Variants in DSCAM observed in about 807,000 individuals in gnomAD.
DSCAM encodes the protein cell adhesion molecule DSCAM.
A neutral mutation model predicts 217.7 loss-of-function variants in DSCAM; 47 were observed. The observed-to-expected ratio is 0.22, with a 90% confidence interval of 0.17 to 0.28. The LOEUF (loss-of-function observed/expected upper bound fraction) is 0.28. Among genes scored for constraint, DSCAM ranks in the 10% least tolerant of loss-of-function variants. The pLI is 1.00. For synonymous variants in DSCAM, 1,056 were observed against 1,015.3 expected (o/e 1.04, Z -0.76); for missense variants, 2,080 against 2,618.3 (o/e 0.79, Z 4.49).
chr21:40,135,937 G>T (rs1239602239), intron 18 of DSCAM, among the ~76,000 whole-genome samples: 1 of 152,232 alleles, frequency 6.6e-6, no homozygotes, highest in Non-Finnish European at 1.5e-5. Flanking sequence ...GAGGGGTAAA[G>T]GGGCTCCATG....
chr21:40,509,124 T>C (rs965941144), intron 3 of DSCAM, among the ~76,000 whole-genome samples: 2 of 152,264 alleles, frequency 1.3e-5, no homozygotes, highest in South Asian at 4.1e-4. Flanking sequence ...TTGGTTTTTT[T>C]CTCTAAAATT....
At chr21:40,230,044 T>C (rs1281716219) in intron 11 of DSCAM, among the ~76,000 whole-genome samples, 1 of 152,238 alleles carries the variant, frequency 6.6e-6, no homozygotes, top group Non-Finnish European at 1.5e-5. Flanking sequence ...AGATGCACAG[T>C]ACTATTTCAA....
chr21:40,536,436 G>C (rs370661339), intron 3 of DSCAM, among the ~76,000 whole-genome samples: 3,170 of 135,944 alleles, frequency 0.023, 114 homozygotes, highest in African/African-American at 0.062. Flanking sequence ...GAGTCTCGCT[G>C]TGTCCCCCAG....
intron 3 of DSCAM, among the ~76,000 whole-genome samples, chr21:40,603,222 C>T (rs1423622712): frequency 6.6e-6 from 1 of 151,902 alleles, no homozygotes; most frequent in African/African-American, 2.4e-5. Context: ...TTTTAATTTT[C>T]TTGAGATGTC....
intron 3 of DSCAM, among the ~76,000 whole-genome samples, chr21:40,480,310 G>C (rs992702057): frequency 2.0e-5 from 3 of 151,976 alleles, no homozygotes; most frequent in Non-Finnish European, 4.4e-5. Context: ...TAACACATGA[G>C]ATAAAGCATT....
intron 11 of DSCAM, among the ~76,000 whole-genome samples, chr21:40,196,152 C>T (rs1375423190): frequency 6.6e-6 from 1 of 152,202 alleles, no homozygotes; most frequent in Non-Finnish European, 1.5e-5. Context: ...GCACCCTGGC[C>T]TGCAGAGGTG....
At chr21:40,084,081 A>C in intron 23 of DSCAM, 75 bp from the exon 24 acceptor site, 1 of 1,200,896 alleles carries the variant, frequency 8.3e-7, no homozygotes, top group East Asian at 2.6e-5. Context: ...GTCATTTACC[A>C]ACTCATTTTT....
intron 11 of DSCAM, among the ~76,000 whole-genome samples, chr21:40,210,733 T>C (rs911817904): frequency 6.6e-6 from 1 of 152,134 alleles, no homozygotes; most frequent in African/African-American, 2.4e-5. Context: ...TTAGTGGAGA[T>C]AGGGTTCCAC....
intron 1 of DSCAM, among the ~76,000 whole-genome samples, chr21:40,836,702 C>T (rs141386527): frequency 3.3e-5 from 5 of 152,262 alleles, no homozygotes; most frequent in Non-Finnish European, 7.4e-5. Flanking sequence ...TCATGTGGAT[C>T]AGAACAGGCA....
In DSCAM at chr21:40,324,000, A is replaced by G. The variant is rs796909468; in HGVS notation, c.1784-11641T>C. Among the ~76,000 whole-genome samples the G allele has an allele frequency of 5.5e-5, 8 of 145,466 alleles. No homozygotes were observed. The South Asian group carries it at 1.9e-3, about 34-fold the overall frequency. Reference sequence around the variant, plus strand: ...ACCCCTGTAATCCCAGTTACTTGGGAGGCTGAGGTAGAGAATTGCTTGAAC... The same window carrying G: ...ACCCCTGTAATCCCAGTTACTTGGGGGGCTGAGGTAGAGAATTGCTTGAAC... On this transcript the variant is annotated intron_variant, in intron 8 of 32. Coordinates refer to ENST00000400454, the MANE Select transcript of DSCAM (RefSeq NM_001389.5).
chr21:40,362,237 G>A (rs565852542), intron 4 of DSCAM, among the ~76,000 whole-genome samples: 1 of 152,126 alleles, frequency 6.6e-6, no homozygotes, highest in African/African-American at 2.4e-5. Flanking sequence ...AAACATACGT[G>A]TGCATGTGTC....
intron 1 of DSCAM, among the ~76,000 whole-genome samples, chr21:40,724,711 T>C (rs2090936266): frequency 6.6e-6 from 1 of 152,130 alleles, no homozygotes; most frequent in Non-Finnish European, 1.5e-5. Flanking sequence ...AAATCCAAGT[T>C]CGGTAATTAA....
Position 40,425,540 on chromosome 21 carries a change from T to A in DSCAM, c.509-56295A>T, listed in dbSNP as rs140724410. Among the ~76,000 whole-genome samples, 91 of 128,794 alleles carry A rather than the reference T, an allele frequency of 7.1e-4. 1 individual carries two copies. The East Asian group carries it at 0.011, about 16-fold the overall frequency. 84.5% of individuals were successfully genotyped at this position (128,794 alleles called of 152,430 possible). A position where few individuals can be genotyped will look rare whatever the true frequency, so the allele number is the denominator to read the frequency against. ...AAATAAGAATTTTTTTACCCCCCCC[T>A]AAAAAAAAAAACATACAAAAATTAG... On this transcript the variant is annotated intron_variant, in intron 3 of 32. Transcript: ENST00000400454.
At chr21:40,167,623 T>C (rs2090611846) in intron 15 of DSCAM, among the ~76,000 whole-genome samples, 1 of 152,184 alleles carries the variant, frequency 6.6e-6, no homozygotes, top group Non-Finnish European at 1.5e-5. Flanking sequence ...ATGCTGTCTA[T>C]GGTGTGTATT....
intron 5 of DSCAM, among the ~76,000 whole-genome samples, chr21:40,351,388 C>T (rs1569079070): frequency 6.6e-6 from 1 of 152,054 alleles, no homozygotes; most frequent in African/African-American, 2.4e-5. Context: ...GTTTGGTATC[C>T]GACCCTGTTG....
chr21:40,581,064 A>C (rs374728009), intron 3 of DSCAM, among the ~76,000 whole-genome samples: 3 of 152,372 alleles, frequency 2.0e-5, no homozygotes, highest in East Asian at 3.9e-4. Flanking sequence ...ATAATATAGT[A>C]TAGAAAAACA....
At chr21:40,025,736 A>G (rs1225687061) in intron 32 of DSCAM, among the ~76,000 whole-genome samples, 1 of 150,312 alleles carries the variant, frequency 6.7e-6, no homozygotes, top group African/African-American at 2.5e-5. Context: ...ATCATTTTTT[A>G]TTGCATCTAT....
In DSCAM at chr21:40,299,432, A is replaced by G. The variant is rs117872774; in HGVS notation, c.2063-3258T>C. On this transcript the variant is annotated intron_variant, in intron 9 of 32. Transcript: ENST00000400454. Reference sequence around the variant, plus strand: ...ACTCTAAGACTGGGAACATCCATGTACTTACATCAAGAAGACCTGAGGCCA... The same window carrying G: ...ACTCTAAGACTGGGAACATCCATGTGCTTACATCAAGAAGACCTGAGGCCA... Among the ~76,000 whole-genome samples, 8 of 152,270 alleles carry G rather than the reference A, an allele frequency of 5.3e-5. No individual in the cohort carries two copies. The East Asian group carries it at 1.5e-3, about 29-fold the overall frequency.
At chr21:40,695,986 C>T (rs539886880) in intron 2 of DSCAM, among the ~76,000 whole-genome samples, 209 of 152,054 alleles carry the variant, frequency 1.4e-3, no homozygotes, top group Non-Finnish European at 1.9e-3. Context: ...TAGTCAGCCC[C>T]GAAGACAGGG....
Sources: allele counts gnomAD v4.1 joint callset (sites outside exome capture counted in the v4.1 genomes callset), GRCh38; gene constraint gnomAD v4.1.1; transcripts MANE v1.5; gene names NCBI Gene and HGNC (gene_info 2026-07-23, HGNC 2026-07-21).